The following NEDD4L variants were observed in gnomAD, a reference collection of about 807,000 sequenced individuals.
NEDD4L encodes the protein NEDD4 like E3 ubiquitin protein ligase.
In NEDD4L, 54 loss-of-function variants were observed where a neutral mutation model predicts 148.9. The observed-to-expected ratio is 0.36, with a 90% confidence interval of 0.29 to 0.45. The LOEUF (loss-of-function observed/expected upper bound fraction) is 0.45. NEDD4L is among the 20% of genes least tolerant of loss of function. The pLI is 1.00. For missense variants in NEDD4L, 856 were observed against 1,233.8 expected (o/e 0.69, Z 4.59); for synonymous variants, 433 against 440.7 (o/e 0.98, Z 0.22).
At chr18:58,324,936 A>T in intron 8 of NEDD4L, 60 bp from the exon 9 acceptor site, 2 of 1,480,388 alleles carry the variant, frequency 1.4e-6, no homozygotes, top group Non-Finnish European at 1.9e-6. Flanking sequence ...TGCTGTGATG[A>T]CCTCTTACTC....
chr18:58,189,348 CT>C (rs955883788), intron 2 of NEDD4L, among the ~76,000 whole-genome samples: 1 of 152,150 alleles, frequency 6.6e-6, no homozygotes, highest in Non-Finnish European at 1.5e-5. Flanking sequence ...AGGCAGTGAC[CT>C]TTACACCCCA....
intron 1 of NEDD4L, among the ~76,000 whole-genome samples, chr18:58,099,819 A>C: frequency 6.6e-6 from 1 of 152,206 alleles, no homozygotes; most frequent in East Asian, 1.9e-4. Flanking sequence ...TTTAGTGCCC[A>C]GACCTTTAGT....
At chr18:58,263,817 A>G (rs1042126125) in intron 5 of NEDD4L, among the ~76,000 whole-genome samples, 1 of 152,216 alleles carries the variant, frequency 6.6e-6, no homozygotes, top group African/African-American at 2.4e-5. Context: ...GTAATAATGT[A>G]TATTAAGCTC....
At chr18:58,164,858 C>CT (rs1209072346) in intron 1 of NEDD4L, among the ~76,000 whole-genome samples, 2 of 152,254 alleles carry the variant, frequency 1.3e-5, no homozygotes, top group Non-Finnish European at 2.9e-5. Context: ...TGCTGAGTCT[C>CT]TAAGTCAGAC....
chr18:58,228,229 A>C (rs1335689661), intron 2 of NEDD4L, among the ~76,000 whole-genome samples: 1 of 151,052 alleles, frequency 6.6e-6, no homozygotes, highest in Non-Finnish European at 1.5e-5. Flanking sequence ...CTTCCAGACC[A>C]ATAGCAGAAA....
intron 1 of NEDD4L, among the ~76,000 whole-genome samples, chr18:58,124,405 C>T (rs732796): frequency 0.29 from 44,279 of 152,138 alleles, 6,798 homozygotes; most frequent in Non-Finnish European, 0.35. Flanking sequence ...GATGGCTCCT[C>T]CTTGGTCTCC....
chr18:58,280,933 G>A (rs149910361), intron 5 of NEDD4L, among the ~76,000 whole-genome samples: 126 of 152,152 alleles, frequency 8.3e-4, no homozygotes, highest in African/African-American at 2.7e-3. Flanking sequence ...TTCCACTAAT[G>A]TGACATTTCT....
intron 24 of NEDD4L, among the ~76,000 whole-genome samples, chr18:58,377,813 G>A (rs2047768344): frequency 6.6e-6 from 1 of 152,060 alleles, no homozygotes; most frequent in African/African-American, 2.4e-5. Flanking sequence ...GCAGAATATC[G>A]GCTCACTGCA....
chr18:58,344,308 G>A (rs2042789343), intron 16 of NEDD4L, among the ~76,000 whole-genome samples: 1 of 152,182 alleles, frequency 6.6e-6, no homozygotes, highest in Non-Finnish European at 1.5e-5. Flanking sequence ...AGAATCCTTT[G>A]AACCGTGGGA....
intron 18 of NEDD4L, among the ~76,000 whole-genome samples, chr18:58,353,917 G>T (rs1601616300): frequency 6.6e-6 from 1 of 152,244 alleles, no homozygotes; most frequent in South Asian, 2.1e-4. Context: ...GGTCCACCTG[G>T]AATTACAGAT....
intron 5 of NEDD4L, among the ~76,000 whole-genome samples, chr18:58,304,714 G>A (rs879932963): frequency 3.3e-5 from 5 of 152,152 alleles, no homozygotes; most frequent in Non-Finnish European, 7.3e-5. Flanking sequence ...AAACCCATCC[G>A]CTTTCCACAA....
chr18:58,372,280 TTTC>T (rs1308464492), intron 23 of NEDD4L: 1 of 117,962 alleles, frequency 8.5e-6, no homozygotes. Flanking sequence ...GCCTAGCTAA[TTTC>T]TTTTTTTTTT....
In NEDD4L at chr18:58,364,248, T is replaced by A; in HGVS notation, c.1768-20T>A. 1 of 1,435,596 alleles carries A rather than the reference T, an allele frequency of 7.0e-7. No homozygotes were observed. The highest frequency in any genetic ancestry group is 9.6e-7 in the Non-Finnish European group (1 of 1,043,600). 88.9% of individuals were successfully genotyped at this position (1,435,596 alleles called of 1,614,324 possible). ...AGGTGTATTGTTTGCATTATCTATA[T>A]TTATAAATTTATCTTCCAGGCTGTC... is the stretch of plus-strand genomic sequence containing the variant. On this transcript the variant is annotated intron_variant, in intron 19 of 30. Transcript: ENST00000400345.
At chr18:58,361,466 G>T (rs1036499401) in intron 19 of NEDD4L, among the ~76,000 whole-genome samples, 1 of 152,124 alleles carries the variant, frequency 6.6e-6, no homozygotes, top group African/African-American at 2.4e-5. Flanking sequence ...ATAATCAGCC[G>T]ACTTGAAACT....
chr18:58,253,913 T>A (rs1256196683), intron 5 of NEDD4L, among the ~76,000 whole-genome samples: 1 of 152,134 alleles, frequency 6.6e-6, no homozygotes, highest in East Asian at 1.9e-4. Context: ...TGAAAAATTG[T>A]GTTTTATAAT....
rs1601476527 is a variant in NEDD4L, at chr18:58,341,692, T to G, written c.1272T>G (p.Gly424=). ...TRPIMQLAED[G]ASGSATNSNN... ...CTCCAAAATAGCTTGCAGAAGATGG[T>G]GCGTCCGGATCAGCCACAAACAGTA... is the stretch of plus-strand genomic sequence containing the variant. Residue 424 remains glycine (G), a synonymous_variant, in exon 15 of 31, where the codon GGT becomes GGG. Transcript: ENST00000400345. 1 of 1,613,362 alleles carries G rather than the reference T, an allele frequency of 6.2e-7. No homozygotes were observed.
intron 1 of NEDD4L, among the ~76,000 whole-genome samples, chr18:58,153,715 C>T (rs1463930382): frequency 6.6e-6 from 1 of 151,604 alleles, no homozygotes; most frequent in East Asian, 1.9e-4. Context: ...GGCGCAATCT[C>T]GGCTCACTGC....
At chr18:58,157,479 C>G (rs547560) in intron 1 of NEDD4L, among the ~76,000 whole-genome samples, 4,476 of 152,244 alleles carry the variant, frequency 0.029, 227 homozygotes, top group African/African-American at 0.1. Flanking sequence ...CACACACACA[C>G]CCTTTCTATC....
chr18:58,296,375 A>G (rs62096386), intron 5 of NEDD4L, among the ~76,000 whole-genome samples: 26,388 of 152,152 alleles, frequency 0.17, 2,512 homozygotes, highest in Non-Finnish European at 0.19. Flanking sequence ...GGGCTGCTGT[A>G]CCAAACTACT....
Sources: allele counts gnomAD v4.1 joint callset (sites outside exome capture counted in the v4.1 genomes callset), GRCh38; gene constraint gnomAD v4.1.1; transcripts MANE v1.5; gene names NCBI Gene and HGNC (gene_info 2026-07-23, HGNC 2026-07-21).